IQCJ: variants seen among roughly 807,000 people sequenced by gnomAD.
The protein encoded by IQCJ is IQ motif containing J, also known as IQ domain-containing protein J.
Under a neutral mutation model 11.0 loss-of-function variants are expected in IQCJ, and 9 were observed. The observed-to-expected ratio is 0.82, with a 90% confidence interval of 0.49 to 1.43. The LOEUF (loss-of-function observed/expected upper bound fraction) is 1.43, where lower values mean the gene tolerates loss of function less well. Ranked by LOEUF, IQCJ falls within the 40% of genes most tolerant of loss-of-function variation. IQCJ has a pLI of 0.00. For missense variants in IQCJ, 146 were observed against 133.2 expected (o/e 1.10, Z -0.47); for synonymous variants, 55 against 51.3 (o/e 1.07, Z -0.31).
chr3:159,223,796 A>G (rs955372924), intron 1 of IQCJ, among the ~76,000 whole-genome samples: 1 of 152,166 alleles, frequency 6.6e-6, no homozygotes, highest in African/African-American at 2.4e-5. Flanking sequence ...GGAAAATTCT[A>G]TGCTTCATGT....
chr3:159,248,086 G>T (rs759843399), intron 2 of IQCJ, among the ~76,000 whole-genome samples: 1 of 152,118 alleles, frequency 6.6e-6, no homozygotes, highest in Non-Finnish European at 1.5e-5. Flanking sequence ...TCTTAGCTTT[G>T]TCAGTCCAGA....
intron 1 of IQCJ, among the ~76,000 whole-genome samples, chr3:159,156,548 G>A (rs1323371379): frequency 6.6e-6 from 1 of 152,212 alleles, no homozygotes; most frequent in Non-Finnish European, 1.5e-5. Flanking sequence ...GGTGAAATGA[G>A]CAGATGAGAT....
At chr3:159,070,861 T>C (rs1016560862) in intron 1 of IQCJ, among the ~76,000 whole-genome samples, 1 of 152,070 alleles carries the variant, frequency 6.6e-6, no homozygotes, top group African/African-American at 2.4e-5. Context: ...TAATGCCATC[T>C]TGTAGTTTCT....
intron 1 of IQCJ, among the ~76,000 whole-genome samples, chr3:159,116,923 G>A (rs1386707157): frequency 6.6e-6 from 1 of 151,858 alleles, no homozygotes; most frequent in East Asian, 1.9e-4. Flanking sequence ...CCCTGAGAAA[G>A]AATGAGCAGA....
At chr3:159,205,667 CT>C (rs1462900789) in intron 1 of IQCJ, among the ~76,000 whole-genome samples, 1 of 152,162 alleles carries the variant, frequency 6.6e-6, no homozygotes, top group African/African-American at 2.4e-5. Flanking sequence ...GGCCAGACAT[CT>C]TTTTTGGTAG....
intron 1 of IQCJ, among the ~76,000 whole-genome samples, chr3:159,080,306 T>C (rs959027628): frequency 6.6e-6 from 1 of 152,108 alleles, no homozygotes; most frequent in Non-Finnish European, 1.5e-5. Context: ...TCCACCCACA[T>C]ACCCTTTTTA....
At chr3:159,157,769 T>C (rs546785254) in intron 1 of IQCJ, among the ~76,000 whole-genome samples, 3 of 152,340 alleles carry the variant, frequency 2.0e-5, no homozygotes, top group African/African-American at 7.2e-5. Context: ...TACAAACATA[T>C]ATTCATTTCC....
chr3:159,199,078 G>T (rs74843178), intron 1 of IQCJ, among the ~76,000 whole-genome samples: 4,762 of 152,276 alleles, frequency 0.031, 256 homozygotes, highest in African/African-American at 0.11. Context: ...AAGTTTAACT[G>T]TTGTGTATTC....
intron 3 of IQCJ, among the ~76,000 whole-genome samples, chr3:159,259,343 T>C (rs1728076114): frequency 6.6e-6 from 1 of 152,182 alleles, no homozygotes; most frequent in African/African-American, 2.4e-5. Flanking sequence ...ATTCAAAATA[T>C]AGGAGCACAC....
intron 1 of IQCJ, among the ~76,000 whole-genome samples, chr3:159,116,614 GTATATATATATATATATATATA>G (rs57810703): frequency 0.017 from 999 of 57,652 alleles, 23 homozygotes; most frequent in African/African-American, 0.04. Context: ...CTGCTCATAT[GTATATATATATATATATATATA>G]TATATATATA....
chr3:159,255,257 G>A (rs1294173291), intron 3 of IQCJ, among the ~76,000 whole-genome samples: 1 of 152,110 alleles, frequency 6.6e-6, no homozygotes, highest in Non-Finnish European at 1.5e-5. Context: ...TCTCCTGAAG[G>A]CTCTCCTTTC....
intron 1 of IQCJ, among the ~76,000 whole-genome samples, chr3:159,232,424 C>T (rs915407566): frequency 1.3e-5 from 2 of 148,794 alleles, no homozygotes. Flanking sequence ...TGTTCAGTTT[C>T]CGTGTAGTGC....
chr3:159,073,391 G>A (rs749851521), intron 1 of IQCJ, among the ~76,000 whole-genome samples: 1 of 151,996 alleles, frequency 6.6e-6, no homozygotes, highest in Non-Finnish European at 1.5e-5. Flanking sequence ...GGAACTTAGC[G>A]GTAAGGTGAG....
intron 1 of IQCJ, among the ~76,000 whole-genome samples, chr3:159,221,298 A>G (rs1725525789): frequency 6.6e-6 from 1 of 152,152 alleles, no homozygotes; most frequent in Non-Finnish European, 1.5e-5. Flanking sequence ...TTAATAATAT[A>G]ATCAATATAA....
intron 3 of IQCJ, among the ~76,000 whole-genome samples, chr3:159,260,464 G>A (rs922749417): frequency 1.3e-5 from 2 of 152,202 alleles, no homozygotes; most frequent in East Asian, 3.9e-4. Flanking sequence ...AGCTCTTGAC[G>A]GGCAGGTTTA....
intron 1 of IQCJ, among the ~76,000 whole-genome samples, chr3:159,186,082 A>G (rs1074881): frequency 0.097 from 14,704 of 152,212 alleles, 2,388 homozygotes; most frequent in African/African-American, 0.34. Flanking sequence ...AGGGACTAGG[A>G]TGGAAATTTT....
chr3:159,116,594 T>G (rs73164353), intron 1 of IQCJ, among the ~76,000 whole-genome samples: 32,063 of 128,618 alleles, frequency 0.25, 5,219 homozygotes, highest in Non-Finnish European at 0.36. Flanking sequence ...TCTTGTTCTA[T>G]TTTAGCATCC....
At chr3:159,140,643 C>G (rs1452248111) in intron 1 of IQCJ, among the ~76,000 whole-genome samples, 1 of 152,148 alleles carries the variant, frequency 6.6e-6, no homozygotes. Flanking sequence ...AGTGCAGGGT[C>G]TGGAATGAAA....
intron 1 of IQCJ, among the ~76,000 whole-genome samples, chr3:159,091,077 T>C (rs1356172177): frequency 1.3e-5 from 2 of 151,552 alleles, no homozygotes; most frequent in Non-Finnish European, 2.9e-5. Context: ...AACCCTAACT[T>C]GAATTTTTCT....
Sources: allele counts gnomAD v4.1 joint callset (sites outside exome capture counted in the v4.1 genomes callset), GRCh38; gene constraint gnomAD v4.1.1; transcripts MANE v1.5; gene names NCBI Gene and HGNC (gene_info 2026-07-23, HGNC 2026-07-21).